ZNF875: variants seen among roughly 807,000 people sequenced by gnomAD.
ZNF875 encodes zinc finger protein 875, also known as HKR1, GLI-Kruppel zinc finger family member.
Under a neutral mutation model 11.2 loss-of-function variants are expected in ZNF875, and 14 were observed. The ratio of observed to expected loss-of-function variants is 1.26; its 90% CI spans 0.83 to 1.96. The LOEUF is 1.96. ZNF875 is among the 30% of genes most tolerant of loss of function. The pLI is 0.00. For synonymous variants in ZNF875, 301 were observed against 281.1 expected (o/e 1.07, Z -0.71); for missense variants, 752 against 760.4 (o/e 0.99, Z 0.13).
chr19:37,327,848 A>C (rs1463093320), intron 4 of ZNF875, among the ~76,000 whole-genome samples: 1 of 152,116 alleles, frequency 6.6e-6, no homozygotes, highest in African/African-American at 2.4e-5. Flanking sequence ...GAATTATTTT[A>C]ATGTCAGAAA....
chr19:37,322,613 T>C (rs911276720), intron 2 of ZNF875, among the ~76,000 whole-genome samples: 6 of 152,184 alleles, frequency 3.9e-5, no homozygotes, highest in Admixed American at 3.9e-4. Flanking sequence ...ATTTGATTCA[T>C]CATGAAATGG....
intron 4 of ZNF875, among the ~76,000 whole-genome samples, chr19:37,354,009 G>A (rs1055216621): frequency 5.9e-5 from 9 of 151,762 alleles, no homozygotes; most frequent in Admixed American, 2.0e-4. Context: ...CAATTTACCT[G>A]TATATTGGAC....
intron 4 of ZNF875, among the ~76,000 whole-genome samples, chr19:37,348,704 A>G (rs550314236): frequency 1.4e-4 from 21 of 152,326 alleles, no homozygotes; most frequent in African/African-American, 4.8e-4. Context: ...CAGTTCTAAC[A>G]GTGTATTCTT....
upstream of ZNF875, among the ~76,000 whole-genome samples, chr19:37,334,397 G>A (rs372527701): frequency 5.9e-5 from 9 of 152,314 alleles, no homozygotes; most frequent in East Asian, 1.2e-3. Context: ...AGAATCCTTC[G>A]GCAGTCCCGC....
At chr19:37,335,040 G>A in intron 1 of ZNF875, 129 bp from the exon 2 acceptor site, 1 of 575,956 alleles carries the variant, frequency 1.7e-6, no homozygotes, top group Middle Eastern at 4.5e-4. Flanking sequence ...CACTGGATGG[G>A]AATTGGCTGC....
chr19:37,350,892 C>T (rs950670862), intron 4 of ZNF875, among the ~76,000 whole-genome samples: 1 of 149,390 alleles, frequency 6.7e-6, no homozygotes, highest in Admixed American at 6.8e-5. Context: ...GCAACCTCGG[C>T]CTACTGGACT....
chr19:37,361,896 G>T, intron 4 of ZNF875: 3 of 525,336 alleles, frequency 5.7e-6, no homozygotes, highest in Non-Finnish European at 1.0e-5. Context: ...CAGCTTGGGT[G>T]AAAGAAAGAC....
At position 37,321,732 on chromosome 19, in the gene ZNF875, GT is replaced by G. The variant is rs1353292346; in HGVS notation, c.-746-452del. Among the ~76,000 whole-genome samples, 8 of 152,296 alleles carry G rather than the reference GT, an allele frequency of 5.3e-5. No individual in the cohort carries two copies. The East Asian group carries it at 7.7e-4, about 15-fold the overall frequency. ...ATTCTTAGGAGGCACAGGGCTCCAG[GT>G]CAGATGCTGAGTGATCTTTTATGAG... On this transcript the variant is annotated intron_variant, in intron 1 of 5. Coordinates refer to the ZNF875 transcript ENST00000544914.
At chr19:37,324,159 G>A (rs2032019312) in intron 3 of ZNF875, 1 of 152,202 alleles carries the variant, frequency 6.6e-6, no homozygotes, top group Non-Finnish European at 1.5e-5. Flanking sequence ...AACTGCAGAT[G>A]ATAGAGAAAT....
chr19:37,346,888 A>T (rs1014743558), intron 2 of ZNF875: 25 of 230,538 alleles, frequency 1.1e-4, no homozygotes, highest in Non-Finnish European at 1.7e-4. Context: ...TTTGAGACAG[A>T]GTTTTGCTCT....
At chr19:37,319,265 C>T (rs904137959) in intron 1 of ZNF875, among the ~76,000 whole-genome samples, 2 of 149,052 alleles carry the variant, frequency 1.3e-5, no homozygotes, top group African/African-American at 2.5e-5. Flanking sequence ...AAGCTGGTTT[C>T]GAACTCCCGA....
intron 4 of ZNF875, among the ~76,000 whole-genome samples, chr19:37,329,316 T>G (rs547257440): frequency 3.9e-5 from 6 of 152,282 alleles, no homozygotes; most frequent in South Asian, 2.1e-4. Context: ...GTCCATGTTT[T>G]TGACATTCTG....
At position 37,362,879 on chromosome 19, in the gene ZNF875, T is replaced by C. The variant is rs769546404; in HGVS notation, c.1027T>C (p.Cys343Arg). 6.2e-7 allele frequency: 1 copy of C among 1,614,186 alleles called. No homozygotes were observed. Among genetic ancestry groups the C allele is most frequent in the South Asian group, 1.1e-5 (1 of 91,086 alleles). ...GCTCAAGCCTTATGTGTGCAAGGAA[T>C]GTGGGCAGAGCTTTAGCCTGAAGTC... is the stretch of plus-strand genomic sequence containing the variant. ...SGLKPYVCKE[C>R]GQSFSLKSNL... The change falls in exon 5 of 5, where the codon TGT (cysteine) becomes CGT (arginine). Residue 343 changes from cysteine to arginine, a missense_variant. Transcript: ENST00000392153.
chr19:37,327,858 A>T (rs1474210378), intron 4 of ZNF875, among the ~76,000 whole-genome samples: 1 of 152,132 alleles, frequency 6.6e-6, no homozygotes, highest in Non-Finnish European at 1.5e-5. Context: ...AATGTCAGAA[A>T]GGTTCATAAG....
In ZNF875 at chr19:37,364,045, G is replaced by T; in HGVS notation, c.*270G>T. On this transcript the variant is annotated 3_prime_UTR_variant, in exon 5 of 5. Transcript: ENST00000392153. ...GAAACCCGGTCAGGTAATGATAGTG[G>T]CAGGAGGCAGTCAAATGCCCAGGCA... 2.4e-6 allele frequency: 1 copy of T among 414,894 alleles called. No individual in the cohort carries two copies. Among genetic ancestry groups the T allele is most frequent in the Non-Finnish European group, 4.3e-6 (1 of 230,836 alleles). The allele number at this position is 414,894 out of a possible 1,614,324, so 25.7% of individuals were successfully genotyped here.
At position 37,363,750 on chromosome 19, in the gene ZNF875, G is replaced by C. The variant is rs1415399205; in HGVS notation, c.1898G>C (p.Arg633Thr). ...RGFSRKSNLI[R>T]HQRTHSG is the part of the protein sequence containing the mutation. ...TTTAGTCGGAAGTCCAACCTTATCA[G>C]ACATCAGAGGACACACTCAGGATAG... The change falls in exon 5 of 5, where the codon AGA (arginine) becomes ACA (threonine). Residue 633 changes from arginine to threonine, a missense_variant. Arg to Thr is a moderately conservative substitution (Grantham distance 71). Transcript: ENST00000392153. 6.2e-7 allele frequency: 1 copy of C among 1,612,660 alleles called. No individual in the cohort carries two copies. Among genetic ancestry groups the C allele is most frequent in the South Asian group, 1.1e-5 (1 of 90,818 alleles).
Position 37,364,116 on chromosome 19 carries a change from A to AG in ZNF875, c.*342dup. 1 of 262,870 alleles carries AG rather than the reference A, an allele frequency of 3.8e-6. No individual in the cohort carries two copies. The highest frequency in any genetic ancestry group is 7.3e-6 in the Non-Finnish European group (1 of 137,884). The allele number at this position is 262,870 out of a possible 1,614,324, so 16.3% of individuals were successfully genotyped here. A position where few individuals can be genotyped will look rare whatever the true frequency, so the allele number is the denominator to read the frequency against. ...GAAACCCAACCTTAAAGCTGAAGAC[A>AG]GTCCCGGCTAAATCCTCATACTGAA... On this transcript the variant is annotated 3_prime_UTR_variant, in exon 5 of 5. Transcript: ENST00000392153.
upstream of ZNF875, chr19:37,314,955 A>G (rs1175108104): frequency 2.0e-5 from 3 of 152,138 alleles, no homozygotes; most frequent in African/African-American, 2.4e-5. Context: ...TTTTCAGTAT[A>G]TTTGCACAGT....
At chr19:37,348,315 C>T (rs1416133985) in intron 4 of ZNF875, among the ~76,000 whole-genome samples, 1 of 152,114 alleles carries the variant, frequency 6.6e-6, no homozygotes, top group Non-Finnish European at 1.5e-5. Context: ...ACTCATGTGC[C>T]AATGTCCCAG....
Sources: gnomAD v4.1 joint callset for allele counts (sites outside exome capture counted in the v4.1 genomes callset) on GRCh38, gnomAD v4.1.1 for gene constraint, MANE v1.5 for transcripts, NCBI Gene and HGNC (gene_info 2026-07-23, HGNC 2026-07-21) for gene names.